Variants in CENPP observed in about 807,000 individuals in gnomAD.
CENPP encodes centromere protein P.
In CENPP, 24 loss-of-function variants were observed where a neutral mutation model predicts 35.6. That is an observed-to-expected ratio of 0.67 (90% CI 0.49 to 0.95). The LOEUF is 0.95. Among genes scored for constraint, CENPP ranks in the 40% least tolerant of loss-of-function variants. CENPP has a pLI of 0.00. For missense variants in CENPP, 332 were observed against 345.3 expected, an observed-to-expected ratio of 0.96 and a Z score of 0.31; for synonymous variants, 120 against 125.5, an observed-to-expected ratio of 0.96 and a Z score of 0.29.
In CENPP at chr9:92,616,024, C is replaced by T; in HGVS notation, c.*2875C>T. ...CAGACACGGAAAAGGCAAACCTGGA[C>T]CTCGATGAAGGGACGACAGGCCTTT... On this transcript the variant is annotated 3_prime_UTR_variant, in exon 8 of 8. Coordinates refer to ENST00000375587, the MANE Select transcript of CENPP (RefSeq NM_001012267.3). The T allele has an allele frequency of 6.2e-7, 1 of 1,614,138 alleles. No individual in the cohort carries two copies. The highest frequency in any genetic ancestry group is 8.5e-7 in the Non-Finnish European group (1 of 1,180,014).
intron 5 of CENPP, among the ~76,000 whole-genome samples, chr9:92,485,834 A>G (rs967145774): frequency 6.6e-6 from 1 of 152,182 alleles, no homozygotes; most frequent in African/African-American, 2.4e-5. Context: ...ACACAGCCCA[A>G]ATGAAAAGGT....
chr9:92,498,424 A>G (rs1168973546), intron 5 of CENPP, among the ~76,000 whole-genome samples: 2 of 152,056 alleles, frequency 1.3e-5, no homozygotes, highest in Non-Finnish European at 2.9e-5. Flanking sequence ...CGTTGTGCAC[A>G]TGTACCCTAA....
chr9:92,509,119 A>C (rs1449449276), intron 5 of CENPP, among the ~76,000 whole-genome samples: 1 of 151,696 alleles, frequency 6.6e-6, no homozygotes, highest in African/African-American at 2.4e-5. Context: ...GGCCATTTCC[A>C]GCAATGTCGA....
intron 5 of CENPP, among the ~76,000 whole-genome samples, chr9:92,445,293 G>A (rs921402867): frequency 5.9e-5 from 9 of 152,198 alleles, no homozygotes; most frequent in South Asian, 4.2e-4. Context: ...CCCGGTGCGT[G>A]GTAGCCCCAT....
At chr9:92,469,356 T>C (rs921099273) in intron 5 of CENPP, among the ~76,000 whole-genome samples, 2 of 152,156 alleles carry the variant, frequency 1.3e-5, no homozygotes. Context: ...CTGGATTTTG[T>C]AGGGAGGCTT....
intron 5 of CENPP, among the ~76,000 whole-genome samples, chr9:92,563,680 T>C (rs1849897968): frequency 6.6e-6 from 1 of 152,178 alleles, no homozygotes; most frequent in Non-Finnish European, 1.5e-5. Context: ...ACCAAAAGAA[T>C]TGGTGAGAGT....
chr9:92,485,470 C>A (rs564286658), intron 5 of CENPP, among the ~76,000 whole-genome samples: 1 of 152,226 alleles, frequency 6.6e-6, no homozygotes, highest in East Asian at 1.9e-4. Context: ...ATATTGATTG[C>A]CATAAAAGGA....
intron 5 of CENPP, among the ~76,000 whole-genome samples, chr9:92,416,058 G>GTGTGTGTGTATATATATA (rs6151074): frequency 2.1e-4 from 28 of 130,890 alleles, no homozygotes; most frequent in Admixed American, 1.9e-3. Context: ...ATATATGTGT[G>GTGTGTGTGTATATATATA]TATATATATA....
intron 5 of CENPP, among the ~76,000 whole-genome samples, chr9:92,445,711 C>A (rs1844535428): frequency 6.6e-6 from 1 of 152,056 alleles, no homozygotes; most frequent in Non-Finnish European, 1.5e-5. Flanking sequence ...TGGTAAAACC[C>A]TGTCTCTACT....
intron 5 of CENPP, among the ~76,000 whole-genome samples, chr9:92,584,200 G>A (rs1281470210): frequency 6.6e-6 from 1 of 152,158 alleles, no homozygotes. Flanking sequence ...TTCCAAACAA[G>A]TCCCTGGCTG....
chr9:92,401,278 A>G (rs1843101248), intron 5 of CENPP: 1 of 618,830 alleles, frequency 1.6e-6, no homozygotes, highest in Non-Finnish European at 2.9e-6. Flanking sequence ...CGTAGTTACA[A>G]TTAGTGGCAT....
intron 5 of CENPP, among the ~76,000 whole-genome samples, chr9:92,472,171 G>A (rs1845544869): frequency 6.6e-6 from 1 of 151,578 alleles, no homozygotes; most frequent in African/African-American, 2.4e-5. Flanking sequence ...TGGCCAACAT[G>A]GTGAAAGAAA....
chr9:92,536,165 A>G, intron 5 of CENPP: 2 of 378,200 alleles, frequency 5.3e-6, no homozygotes, highest in South Asian at 3.9e-5. Context: ...ATGGTTACCA[A>G]GGGAAATATT....
At chr9:92,360,576 G>A (rs969612764) in intron 4 of CENPP, among the ~76,000 whole-genome samples, 4 of 151,832 alleles carry the variant, frequency 2.6e-5, no homozygotes, top group African/African-American at 9.7e-5. Flanking sequence ...ATATAATAAT[G>A]ATAATAATAA....
intron 5 of CENPP, among the ~76,000 whole-genome samples, chr9:92,491,146 C>G (rs1330156859): frequency 6.6e-6 from 1 of 152,212 alleles, no homozygotes; most frequent in Non-Finnish European, 1.5e-5. Flanking sequence ...AACCCAGCTA[C>G]TGTACAGCAC....
chr9:92,364,994 A>G (rs1035031686), intron 4 of CENPP, among the ~76,000 whole-genome samples: 3 of 152,184 alleles, frequency 2.0e-5, no homozygotes, highest in Non-Finnish European at 2.9e-5. Context: ...TTAGACAGAC[A>G]AGTCGCTAGT....
At chr9:92,452,823 C>A (rs1844753560) in intron 5 of CENPP, among the ~76,000 whole-genome samples, 1 of 152,054 alleles carries the variant, frequency 6.6e-6, no homozygotes, top group African/African-American at 2.4e-5. Flanking sequence ...CTGGTTTAGT[C>A]TTGGGAGGGT....
At chr9:92,567,379 T>G (rs921889818) in intron 5 of CENPP, among the ~76,000 whole-genome samples, 1 of 90,456 alleles carries the variant, frequency 1.1e-5, no homozygotes, top group Admixed American at 1.0e-4. Flanking sequence ...GATAGATATA[T>G]ATATATATAT....
At chr9:92,445,391 G>A (rs1844527517) in intron 5 of CENPP, among the ~76,000 whole-genome samples, 2 of 152,064 alleles carry the variant, frequency 1.3e-5, no homozygotes, top group Non-Finnish European at 2.9e-5. Flanking sequence ...AGATCTGCTA[G>A]GAGTGAGCTA....
Sources: allele counts gnomAD v4.1 joint callset (sites outside exome capture counted in the v4.1 genomes callset), GRCh38; gene constraint gnomAD v4.1.1; transcripts MANE v1.5; gene names NCBI Gene and HGNC (gene_info 2026-07-23, HGNC 2026-07-21).